The following CFAP69 variants were observed in gnomAD, a reference collection of about 807,000 sequenced individuals.
CFAP69 encodes the protein cilia and flagella associated protein 69, also known as cilia- and flagella-associated protein 69.
Under a neutral mutation model 123.0 loss-of-function variants are expected in CFAP69, and 92 were observed. The ratio of observed to expected loss-of-function variants is 0.75; its 90% CI spans 0.63 to 0.89. The LOEUF is 0.89. CFAP69 is among the 40% of genes least tolerant of loss of function. CFAP69 has a pLI of 0.00. For synonymous variants in CFAP69, 380 were observed against 364.3 expected (o/e 1.04, Z -0.49); for missense variants, 1,067 against 1,096.9 (o/e 0.97, Z 0.39).
At chr7:90,308,014 T>G (rs1793861063) in intron 21 of CFAP69, among the ~76,000 whole-genome samples, 160 bp downstream of exon 21, 1 of 152,186 alleles carries the variant, frequency 6.6e-6, no homozygotes, top group African/African-American at 2.4e-5. Context: ...TAAGTGAAAC[T>G]GCATTTCACA....
intron 12 of CFAP69, among the ~76,000 whole-genome samples, chr7:90,282,247 G>T (rs1789601386): frequency 6.6e-6 from 1 of 151,908 alleles, no homozygotes; most frequent in Non-Finnish European, 1.5e-5. Context: ...TTCTTGGGAG[G>T]CTGAGATGGG....
At chr7:90,293,226 A>C (rs1045403105) in intron 15 of CFAP69, among the ~76,000 whole-genome samples, 1 of 152,178 alleles carries the variant, frequency 6.6e-6, no homozygotes, top group African/African-American at 2.4e-5. Context: ...AATAAGCCAA[A>C]TTTTACCTTT....
In CFAP69 at chr7:90,304,065, A is replaced by G. The variant is rs760685968; in HGVS notation, c.2147A>G (p.Glu716Gly). 6.4e-7 allele frequency: 1 copy of G among 1,551,030 alleles called. No homozygotes were observed. The highest frequency in any genetic ancestry group is 1.2e-5 in the South Asian group (1 of 83,952). The change falls in exon 18 of 23, where the codon GAG (glutamate) becomes GGG (glycine). Residue 716 changes from glutamate to glycine, a missense_variant. Physicochemically the swap from Glu to Gly is moderately conservative, Grantham distance 98. Transcript: ENST00000389297. The stretch of plus-strand genomic sequence containing the variant: ...TCTATTGCGGTTATGGATGTTTCTG[A>G]GAATATTAGAGCAAAAATTTATGCT... Reference protein sequence around the residue: ...CPSIAVMDVSENIRAKIYAIL... With the variant: ...CPSIAVMDVSGNIRAKIYAIL...
At chr7:90,322,586 T>G in the CFAP69 span, 1 of 152,260 alleles carries the variant, frequency 6.6e-6, no homozygotes, top group Non-Finnish European at 1.5e-5. Flanking sequence ...ATTTCTCTGT[T>G]GAGTAACCAC....
intron 11 of CFAP69, 114 bp downstream of exon 11, chr7:90,277,448 C>T (rs2117002634): frequency 1.1e-6 from 1 of 929,156 alleles, no homozygotes; most frequent in Non-Finnish European, 1.5e-6. Flanking sequence ...CCACAGAAAG[C>T]AGTAAAATCT....
chr7:90,315,096 A>G (rs1487928134), downstream of CFAP69, among the ~76,000 whole-genome samples: 3 of 152,018 alleles, frequency 2.0e-5, no homozygotes, highest in Non-Finnish European at 4.4e-5. Context: ...TTAAAAAGTC[A>G]AAAAACAACA....
chr7:90,318,033 T>C, the CFAP69 span: 1 of 152,220 alleles, frequency 6.6e-6, no homozygotes, highest in African/African-American at 2.4e-5. Context: ...AAACTGTTCA[T>C]GTGTCCCTCT....
intron 3 of CFAP69, among the ~76,000 whole-genome samples, chr7:90,260,910 G>A (rs773434530): frequency 1.3e-4 from 20 of 152,108 alleles, no homozygotes; most frequent in Non-Finnish European, 2.6e-4. Flanking sequence ...CACTTCTCTA[G>A]GAAGTTAACA....
At chr7:90,303,934 G>A in intron 17 of CFAP69, 35 bp from the exon 18 acceptor site, 1 of 1,522,138 alleles carries the variant, frequency 6.6e-7, no homozygotes, top group Non-Finnish European at 8.8e-7. Flanking sequence ...GTTTTTATCT[G>A]TCCCTTTTCT....
downstream of CFAP69, among the ~76,000 whole-genome samples, chr7:90,314,146 C>T (rs1794562376): frequency 6.6e-6 from 1 of 152,144 alleles, no homozygotes. Flanking sequence ...GACATTGTCA[C>T]AACCCACAGG....
intron 4 of CFAP69, among the ~76,000 whole-genome samples, chr7:90,264,993 C>G (rs1259618256): frequency 6.6e-6 from 1 of 152,010 alleles, no homozygotes; most frequent in Non-Finnish European, 1.5e-5. Context: ...GGAATTTCAC[C>G]ATGTTGGCCA....
chr7:90,304,695 A>G (rs751379586), intron 18 of CFAP69, 49 bp from the exon 19 acceptor site: 1 of 1,543,108 alleles, frequency 6.5e-7, no homozygotes, highest in South Asian at 1.2e-5. Context: ...AGATTCTTAG[A>G]ATCACTTGCT....
chr7:90,265,306 C>A lies in CFAP69; in HGVS notation c.362C>A (p.Pro121Gln). ...ATTCTTCATTCTTATTGAAGCTTGC[C>A]ATTTTTGAAAAAGAAAGTGTCGGAT... ...AYDIIKLCGL[P>Q]FLKKKVSDEI... The change falls in exon 5 of 23, where the codon CCA becomes CAA. Residue 121 changes from proline (P) to glutamine (Q), a missense_variant. By Grantham distance (76) the Pro-to-Gln change is moderately conservative. Transcript: ENST00000389297. The A allele has an allele frequency of 6.2e-7, 1 of 1,606,566 alleles. No individual in the cohort carries two copies. Among genetic ancestry groups the A allele is most frequent in the South Asian group, 1.1e-5 (1 of 90,474 alleles).
chr7:90,287,864 T>TAAGAACTA, intron 14 of CFAP69: 1 of 512,634 alleles, frequency 2.0e-6, no homozygotes, highest in Non-Finnish European at 2.5e-6. Context: ...TGCATGATAG[T>TAAGAACTA]TCTTACTATC....
At chr7:90,314,376 C>T (rs1794586445), downstream of CFAP69, among the ~76,000 whole-genome samples, 1 of 152,140 alleles carries the variant, frequency 6.6e-6, no homozygotes, top group Admixed American at 6.5e-5. Context: ...GTAATCCCAG[C>T]ACTTGGGAGG....
chr7:90,281,561 T>C (rs1052505663), intron 12 of CFAP69, among the ~76,000 whole-genome samples: 14 of 151,932 alleles, frequency 9.2e-5, no homozygotes, highest in Admixed American at 7.9e-4. Context: ...TGTGAAAAAA[T>C]AAAAATTAGA....
the CFAP69 span, chr7:90,317,842 C>G: frequency 2.0e-5 from 3 of 152,028 alleles, no homozygotes; most frequent in Non-Finnish European, 4.4e-5. Flanking sequence ...TTTGAGTGTA[C>G]TGGAATCAGA....
chr7:90,266,180 A>T (rs904642693), intron 5 of CFAP69: 2 of 152,194 alleles, frequency 1.3e-5, no homozygotes, highest in African/African-American at 4.8e-5. Flanking sequence ...GAATGAAGAA[A>T]AAAAGGATTT....
chr7:90,288,332 T>TA lies in CFAP69; in HGVS notation c.1756dup (p.Ser586LysfsTer22), dbSNP rs776357605. ...GCTTAGGCTATAATGTACTTCTTTT[T>TA]AGTACATTGGACAGCATTTGGTGAG... is the stretch of plus-strand genomic sequence containing the variant. On this transcript the variant is annotated frameshift_variant, in exon 15 of 23. Transcript: ENST00000389297. 1.2e-6 allele frequency: 2 copies of TA among 1,611,236 alleles called. No individual in the cohort carries two copies. The highest frequency in any genetic ancestry group is 1.7e-6 in the Non-Finnish European group (2 of 1,178,040).
Sources: gnomAD v4.1 joint callset for allele counts (sites outside exome capture counted in the v4.1 genomes callset) on GRCh38, gnomAD v4.1.1 for gene constraint, MANE v1.5 for transcripts, NCBI Gene and HGNC (gene_info 2026-07-23, HGNC 2026-07-21) for gene names.